The following TNIP2 variants were observed in gnomAD, a reference collection of about 807,000 sequenced individuals.
TNIP2 encodes TNFAIP3 interacting protein 2, also known as TNFAIP3-interacting protein 2.
TNIP2 carries 30 observed loss-of-function variants against 43.7 expected under a neutral mutation model. The observed-to-expected ratio is 0.69, with a 90% confidence interval of 0.51 to 0.93. The LOEUF (loss-of-function observed/expected upper bound fraction) is 0.93, where lower values mean the gene tolerates loss of function less well. TNIP2 is among the 40% of genes least tolerant of loss of function. The probability of loss-of-function intolerance (pLI) is 0.00; values close to 1 mark genes in which losing one functional copy is unlikely to be tolerated. For missense variants in TNIP2, 599 were observed against 591.0 expected (o/e 1.01, Z -0.14); for synonymous variants, 260 against 254.6 (o/e 1.02, Z -0.20).
chr4:2,745,259 T>C (rs1721914918), intron 3 of TNIP2, 187 bp downstream of exon 3: 1 of 611,724 alleles, frequency 1.6e-6, no homozygotes, highest in Non-Finnish European at 2.9e-6. Flanking sequence ...TTTAGGGGGA[T>C]GGAGATGGAC....
intron 2 of TNIP2, 29 bp from the exon 3 acceptor site, chr4:2,745,564 A>G: frequency 6.7e-7 from 1 of 1,492,882 alleles, no homozygotes; most frequent in South Asian, 1.1e-5. Flanking sequence ...GAGAGAAGAC[A>G]CTCTGTCACA....
chr4:2,751,498 A>G (rs1722101582), intron 1 of TNIP2, among the ~76,000 whole-genome samples: 1 of 152,174 alleles, frequency 6.6e-6, no homozygotes, highest in Non-Finnish European at 1.5e-5. Context: ...ACAGAAGTGT[A>G]TTCTCCCAAA....
chr4:2,748,047 A>G, intron 1 of TNIP2, 102 bp from the exon 2 acceptor site: 1 of 1,241,228 alleles, frequency 8.1e-7, no homozygotes, highest in Non-Finnish European at 1.1e-6. Flanking sequence ...ATGCCCCATC[A>G]CCAGACACAA....
chr4:2,746,299 C>T (rs751024845), intron 2 of TNIP2: 1 of 152,258 alleles, frequency 6.6e-6, no homozygotes, highest in Non-Finnish European at 1.5e-5. Context: ...CAGCCTACAC[C>T]GGGAAGCCCC....
At position 2,744,670 on chromosome 4, in the gene TNIP2, G is replaced by A; in HGVS notation, c.906+27C>T. 6.3e-7 allele frequency: 1 copy of A among 1,592,444 alleles called. No individual in the cohort carries two copies. Among genetic ancestry groups the A allele is most frequent in the Non-Finnish European group, 8.5e-7 (1 of 1,174,214 alleles). On this transcript the variant is annotated intron_variant, in intron 4 of 5. Coordinates refer to ENST00000315423, the MANE Select transcript of TNIP2 (RefSeq NM_024309.4). This position sits in a 1 kb window ranked among gnomAD's most constrained non-coding sequence, Gnocchi z 5.1. ...ACCGGCCAGCAGACATCTGGTCAGTGCCGTCCGGAGCCCGAGGGACAGACA... is the reference window on the plus strand; with the variant it reads ...ACCGGCCAGCAGACATCTGGTCAGTACCGTCCGGAGCCCGAGGGACAGACA...
intron 1 of TNIP2, among the ~76,000 whole-genome samples, chr4:2,752,530 G>T (rs1185984287): frequency 1.3e-5 from 2 of 152,150 alleles, no homozygotes; most frequent in African/African-American, 4.8e-5. Context: ...CTCTCTGGGA[G>T]CCCTCAGTCC....
At chr4:2,743,534 CGGA>C (rs893910039) in intron 5 of TNIP2, among the ~76,000 whole-genome samples, 6 of 152,186 alleles carry the variant, frequency 3.9e-5, no homozygotes, top group Non-Finnish European at 7.4e-5. Flanking sequence ...GCCCTTCATG[CGGA>C]GGAGAAGCAG....
chr4:2,745,364 T>C, intron 3 of TNIP2, 82 bp downstream of exon 3: 1 of 1,084,348 alleles, frequency 9.2e-7, no homozygotes, highest in East Asian at 2.5e-5. Context: ...GGGGCGACTC[T>C]GGGCATCAGC....
intron 1 of TNIP2, among the ~76,000 whole-genome samples, chr4:2,748,295 C>T (rs1424513111): frequency 6.6e-6 from 1 of 152,196 alleles, no homozygotes; most frequent in Non-Finnish European, 1.5e-5. Context: ...CCCACCTCAG[C>T]CTCCTCAGTA....
At position 2,755,279 on chromosome 4, in the gene TNIP2, CAATACACACAG is replaced by C. The variant is rs569598899; in HGVS notation, c.276+724_276+734del. On this transcript the variant is annotated intron_variant, in intron 1 of 5. Coordinates refer to ENST00000315423, the MANE Select transcript of TNIP2 (RefSeq NM_024309.4). ...AACCAACCGGAACATACACACTACACAATACACACAGAATACACACAGCATACACACACCCC... is the reference window on the plus strand; with the variant it reads ...AACCAACCGGAACATACACACTACACAATACACACAGCATACACACACCCC... Among the ~76,000 whole-genome samples the C allele has an allele frequency of 5.2e-3, 793 of 151,976 alleles. 7 individuals carry two copies. Among genetic ancestry groups the C allele is most frequent in the African/African-American group, 0.018 (749 of 41,384 alleles).
In TNIP2 at chr4:2,742,834, G is replaced by A. The variant is rs576628128; in HGVS notation, c.1027-314C>T. On this transcript the variant is annotated intron_variant, in intron 5 of 5. Coordinates refer to ENST00000315423, the MANE Select transcript of TNIP2 (RefSeq NM_024309.4). Reference sequence around the variant, plus strand: ...TGACTGAGAAGGTGGCCCTGATGACGTGGCCCACAGGCCACCACAGAGTGG... The same window carrying A: ...TGACTGAGAAGGTGGCCCTGATGACATGGCCCACAGGCCACCACAGAGTGG... Among the ~76,000 whole-genome samples, 4 of 152,318 alleles carry A rather than the reference G, an allele frequency of 2.6e-5. No individual in the cohort carries two copies. The South Asian group carries it at 8.3e-4, about 32-fold the overall frequency.
chr4:2,745,039 G>T, intron 3 of TNIP2, 94 bp from the exon 4 acceptor site: 3 of 1,461,672 alleles, frequency 2.1e-6, no homozygotes, highest in Non-Finnish European at 2.7e-6. Context: ...GCAGTGATTC[G>T]CTGAGTGAGA....
chr4:2,749,939 G>C (rs1267436911), intron 1 of TNIP2, among the ~76,000 whole-genome samples: 1 of 152,072 alleles, frequency 6.6e-6, no homozygotes, highest in East Asian at 1.9e-4. Flanking sequence ...AGCACCCTAA[G>C]TAGTTGGATT....
intron 5 of TNIP2, among the ~76,000 whole-genome samples, chr4:2,743,371 G>A (rs79282776): frequency 0.013 from 1,913 of 152,222 alleles, 30 homozygotes; most frequent in African/African-American, 0.043. Context: ...TTCAAGAGGC[G>A]GCCTGAGACC....
At chr4:2,748,369 G>A (rs765648062) in intron 1 of TNIP2, among the ~76,000 whole-genome samples, 10 of 151,566 alleles carry the variant, frequency 6.6e-5, no homozygotes, top group South Asian at 2.1e-4. Flanking sequence ...TTGAGACGGA[G>A]TCTCGCTCTG....
chr4:2,746,930 T>G (rs1377462136), intron 2 of TNIP2, among the ~76,000 whole-genome samples: 1 of 152,184 alleles, frequency 6.6e-6, no homozygotes, highest in Non-Finnish European at 1.5e-5. Flanking sequence ...ATGCTGAAAC[T>G]CCCACGGTCC....
At chr4:2,742,743 C>T (rs1000733115) in intron 5 of TNIP2, among the ~76,000 whole-genome samples, 1 of 152,186 alleles carries the variant, frequency 6.6e-6, no homozygotes, top group Non-Finnish European at 1.5e-5. Flanking sequence ...TAGGCCCTGG[C>T]GTGGTCCACC....
chr4:2,748,736 C>T (rs890683095), intron 1 of TNIP2, among the ~76,000 whole-genome samples: 2 of 136,600 alleles, frequency 1.5e-5, no homozygotes, highest in Non-Finnish European at 3.2e-5. Flanking sequence ...TTAGATGATC[C>T]GCCAGCCTTG....
Position 2,747,088 on chromosome 4 carries a change from C to G in TNIP2, c.567+567G>C, listed in dbSNP as rs1041976949. Among the ~76,000 whole-genome samples, 6 of 152,348 alleles carry G rather than the reference C, an allele frequency of 3.9e-5. No individual in the cohort carries two copies. The South Asian group carries it at 1.0e-3, about 26-fold the overall frequency. On this transcript the variant is annotated intron_variant, in intron 2 of 5. Transcript: ENST00000315423. The stretch of plus-strand genomic sequence containing the variant: ...ATGATGAGGAGGCTGTGGCCCTGAG[C>G]CAGGTCTCCAAGCTTGCGGGAGGCC...
Sources: gnomAD v4.1 joint callset for allele counts (sites outside exome capture counted in the v4.1 genomes callset) on GRCh38, gnomAD v4.1.1 for gene constraint, Gnocchi (gnomAD v3.1) non-coding constraint, MANE v1.5 for transcripts, NCBI Gene and HGNC (gene_info 2026-07-23, HGNC 2026-07-21) for gene names.